Variants in SBF2 observed in about 807,000 individuals in gnomAD.
SBF2 encodes the protein myotubularin-related protein 13.
In SBF2, 112 loss-of-function variants were observed where a neutral mutation model predicts 225.2. The ratio of observed to expected loss-of-function variants is 0.50; its 90% confidence interval spans 0.43 to 0.58. SBF2 has a LOEUF of 0.58. SBF2 is among the 20% of genes least tolerant of loss of function. The pLI, the probability that SBF2 is intolerant of heterozygous loss-of-function variation, is 0.00. For missense variants in SBF2, 1,996 were observed against 2,206.2 expected (o/e 0.90, Z 1.91); for synonymous variants, 763 against 773.3 (o/e 0.99, Z 0.22).
At chr11:10,005,588 T>A (rs1271497162) in intron 6 of SBF2, among the ~76,000 whole-genome samples, 1 of 152,180 alleles carries the variant, frequency 6.6e-6, no homozygotes, top group Admixed American at 6.5e-5. Context: ...CTCTGCCTTA[T>A]GCTCCTTGGT....
At chr11:10,129,046 G>C (rs1565261770) in intron 2 of SBF2, among the ~76,000 whole-genome samples, 1 of 150,076 alleles carries the variant, frequency 6.7e-6, no homozygotes, top group African/African-American at 2.5e-5. Flanking sequence ...CCATTTTCTT[G>C]GTGATAAGAA....
intron 16 of SBF2, among the ~76,000 whole-genome samples, chr11:9,898,441 C>CG (rs1564972946): frequency 6.6e-6 from 1 of 152,118 alleles, no homozygotes; most frequent in African/African-American, 2.4e-5. Context: ...GAGGCAGAGG[C>CG]GGGTGGATCA....
chr11:10,263,404 A>G (rs1313712395), intron 1 of SBF2, among the ~76,000 whole-genome samples: 2 of 152,104 alleles, frequency 1.3e-5, no homozygotes, highest in Non-Finnish European at 2.9e-5. Flanking sequence ...TTCTGTTTAG[A>G]GGGGTTGCCC....
intron 14 of SBF2, among the ~76,000 whole-genome samples, chr11:9,967,296 C>T (rs534793949): frequency 5.3e-5 from 8 of 150,738 alleles, no homozygotes; most frequent in South Asian, 4.2e-4. Context: ...GGTGTGAGCC[C>T]GGGAGGCGGA....
chr11:10,227,664 C>G (rs931690447), intron 1 of SBF2, among the ~76,000 whole-genome samples: 7 of 152,178 alleles, frequency 4.6e-5, no homozygotes, highest in Non-Finnish European at 7.3e-5. Context: ...GGGCTCTGTT[C>G]TGTTCCATTG....
chr11:9,970,119 A>T (rs1355053386), intron 13 of SBF2, among the ~76,000 whole-genome samples: 1 of 151,966 alleles, frequency 6.6e-6, no homozygotes, highest in African/African-American at 2.4e-5. Flanking sequence ...CAATTCTAAC[A>T]CTTATTCTTT....
intron 2 of SBF2, among the ~76,000 whole-genome samples, chr11:10,188,654 T>C (rs1487234480): frequency 6.6e-6 from 1 of 152,200 alleles, no homozygotes; most frequent in Admixed American, 6.5e-5. Flanking sequence ...AGGAGTGTAT[T>C]AGAATCATAA....
Position 9,835,063 on chromosome 11 carries a change from C to T in SBF2, c.3456-2643G>A, listed in dbSNP as rs554296404. ...GCTACTCCCAGTACCAGTCTCATTT[C>T]GTAATGAAAGATATCAATTTCCCTG... On this transcript the variant is annotated intron_variant, in intron 26 of 39. Coordinates refer to ENST00000256190, the MANE Select transcript of SBF2 (RefSeq NM_030962.4). 2.8e-4 allele frequency among the ~76,000 whole-genome samples: 43 copies of T among 152,284 alleles called. 1 individual carries two copies. The highest frequency in any genetic ancestry group is 1.9e-3 in the South Asian group (9 of 4,824).
chr11:10,184,193 G>GA (rs889904165), intron 2 of SBF2, among the ~76,000 whole-genome samples: 1 of 152,044 alleles, frequency 6.6e-6, no homozygotes, highest in Non-Finnish European at 1.5e-5. Context: ...GAACATTTCA[G>GA]AAAAAAGAAA....
intron 2 of SBF2, among the ~76,000 whole-genome samples, chr11:10,090,402 C>G (rs1951729962): frequency 6.6e-6 from 1 of 152,180 alleles, no homozygotes; most frequent in South Asian, 2.1e-4. Flanking sequence ...CTCACCCAAA[C>G]ACTGACACAG....
intron 36 of SBF2, 51 bp from the exon 37 acceptor site, chr11:9,785,369 C>T: frequency 6.9e-7 from 1 of 1,443,978 alleles, no homozygotes; most frequent in Non-Finnish European, 9.7e-7. Context: ...ACTTAAACTA[C>T]TGACTGGAAA....
chr11:10,259,384 A>T (rs1459457260), intron 1 of SBF2, among the ~76,000 whole-genome samples: 1 of 152,234 alleles, frequency 6.6e-6, no homozygotes, highest in Non-Finnish European at 1.5e-5. Flanking sequence ...CTGTACATAG[A>T]AAGCACTGAA....
intron 1 of SBF2, among the ~76,000 whole-genome samples, chr11:10,258,318 G>C (rs183877873): frequency 8.1e-4 from 124 of 152,232 alleles, no homozygotes; most frequent in Non-Finnish European, 1.3e-3. Flanking sequence ...ATGTTGCCCA[G>C]ACAGGTCTGA....
At chr11:9,932,643 A>T (rs1445003656) in intron 16 of SBF2, among the ~76,000 whole-genome samples, 1 of 152,188 alleles carries the variant, frequency 6.6e-6, no homozygotes, top group Admixed American at 6.5e-5. Flanking sequence ...ATAAACATGG[A>T]AAGGAACAAC....
At chr11:10,173,438 C>T (rs1329980808) in intron 2 of SBF2, among the ~76,000 whole-genome samples, 2 of 152,260 alleles carry the variant, frequency 1.3e-5, no homozygotes, top group East Asian at 3.8e-4. Flanking sequence ...CACCCGAATA[C>T]TGCGCTTTTC....
At chr11:10,027,409 G>C (rs931788892) in intron 6 of SBF2, among the ~76,000 whole-genome samples, 1 of 152,016 alleles carries the variant, frequency 6.6e-6, no homozygotes, top group Non-Finnish European at 1.5e-5. Flanking sequence ...ATATGGATAG[G>C]GACACTGATG....
rs1166081188 is a variant in SBF2, at chr11:9,974,960, C to CAAAAAAAAAAAAAAA, written c.1396-6430_1396-6416dup. ...GGGCAACAACAGCGAAACTTTGACTCAAAAAAAAAAAAAAAAAAAAAAAAA... is the reference window on the plus strand; with the variant it reads ...GGGCAACAACAGCGAAACTTTGACTCAAAAAAAAAAAAAAAAAAAAAAAAAAAAAAAAAAAAAAAA... On this transcript the variant is annotated intron_variant, in intron 13 of 39. Coordinates refer to ENST00000256190, the MANE Select transcript of SBF2 (RefSeq NM_030962.4). Among the ~76,000 whole-genome samples, 71 of 23,262 alleles carry CAAAAAAAAAAAAAAA rather than the reference C, an allele frequency of 3.1e-3. 18 individuals are homozygous for CAAAAAAAAAAAAAAA. The highest frequency in any genetic ancestry group is 5.7e-3 in the South Asian group (2 of 352). 15.3% of individuals were successfully genotyped at this position (23,262 alleles called of 152,430 possible).
intron 2 of SBF2, among the ~76,000 whole-genome samples, chr11:10,117,057 A>C (rs1039956950): frequency 1.3e-5 from 2 of 152,218 alleles, no homozygotes; most frequent in African/African-American, 4.8e-5. Flanking sequence ...GCCCAGATCA[A>C]AGAGATAAAT....
chr11:10,290,212 A>G (rs892458113), intron 1 of SBF2, among the ~76,000 whole-genome samples: 2 of 151,930 alleles, frequency 1.3e-5, no homozygotes, highest in African/African-American at 4.8e-5. Flanking sequence ...GTGGAGGTGG[A>G]TCCCTGGGGT....
Sources: gnomAD v4.1 joint callset for allele counts (sites outside exome capture counted in the v4.1 genomes callset) on GRCh38, gnomAD v4.1.1 for gene constraint, MANE v1.5 for transcripts, NCBI Gene and HGNC (gene_info 2026-07-23, HGNC 2026-07-21) for gene names.